Variants in PRKN observed in about 807,000 individuals in gnomAD.
The protein encoded by PRKN is E3 ubiquitin-protein ligase parkin.
PRKN carries 56 observed loss-of-function variants against 59.5 expected under a neutral mutation model. The ratio of observed to expected loss-of-function variants is 0.94; its 90% CI spans 0.76 to 1.18. The LOEUF is 1.18. Ranked by LOEUF, PRKN falls within the 50% of genes most tolerant of loss-of-function variation. The pLI is 0.00. For missense variants in PRKN, 657 were observed against 596.4 expected (o/e 1.10, Z -1.06); for synonymous variants, 250 against 222.1 (o/e 1.13, Z -1.12).
At chr6:161,350,843 T>A (rs1158542117) in intron 11 of PRKN, among the ~76,000 whole-genome samples, 4 of 88,042 alleles carry the variant, frequency 4.5e-5, no homozygotes, top group African/African-American at 2.0e-4. Context: ...ATATATATTT[T>A]TATATATTTA....
chr6:161,542,931 G>A (rs1451170613), intron 9 of PRKN, among the ~76,000 whole-genome samples: 1 of 151,992 alleles, frequency 6.6e-6, no homozygotes, highest in East Asian at 1.9e-4. Context: ...AAATATCTAA[G>A]CATAATTTAA....
chr6:161,464,555 A>C (rs984011014), intron 9 of PRKN, among the ~76,000 whole-genome samples: 3 of 152,160 alleles, frequency 2.0e-5, no homozygotes, highest in Non-Finnish European at 4.4e-5. Context: ...TGTTCTGAAA[A>C]AGGTTTTCTC....
intron 7 of PRKN, among the ~76,000 whole-genome samples, chr6:161,607,077 A>G (rs1583285055): frequency 6.6e-6 from 1 of 152,158 alleles, no homozygotes; most frequent in African/African-American, 2.4e-5. Flanking sequence ...CAGATTTAAT[A>G]AAACCCTACA....
chr6:161,790,213 GAAATGT>G (rs1399786683), intron 6 of PRKN, among the ~76,000 whole-genome samples: 1 of 152,194 alleles, frequency 6.6e-6, no homozygotes, highest in Non-Finnish European at 1.5e-5. Context: ...TCACTGGAAA[GAAATGT>G]TGTTTCTAAG....
chr6:161,978,190 C>T (rs757505919), intron 5 of PRKN, among the ~76,000 whole-genome samples: 28 of 152,212 alleles, frequency 1.8e-4, no homozygotes, highest in Non-Finnish European at 3.4e-4. Context: ...GCTGGGATTA[C>T]AGGCATGTGC....
intron 6 of PRKN, among the ~76,000 whole-genome samples, chr6:161,824,514 T>A (rs1792161304): frequency 1.3e-5 from 2 of 152,214 alleles, no homozygotes; most frequent in Non-Finnish European, 2.9e-5. Context: ...ATGGCAGTTA[T>A]GAAGTTGCGT....
chr6:161,527,761 T>C lies in PRKN; in HGVS notation c.1083+21093A>G, dbSNP rs540224626. Among the ~76,000 whole-genome samples the C allele has an allele frequency of 6.6e-6, 1 of 152,350 alleles. No individual in the cohort carries two copies. The highest frequency in any genetic ancestry group is 1.9e-4 in the East Asian group (1 of 5,184). The stretch of plus-strand genomic sequence containing the variant: ...CAGAACATTCTCCGGCTCTCCAGTC[T>C]TCTTTATTAGACTGGCCTCTACAGG... On this transcript the variant is annotated intron_variant, in intron 9 of 11. Coordinates refer to ENST00000366898, the MANE Select transcript of PRKN (RefSeq NM_004562.3). This position sits in a 1 kb window ranked among gnomAD's most constrained non-coding sequence, Gnocchi z 4.6.
At chr6:162,484,092 A>G (rs973214341) in intron 1 of PRKN, among the ~76,000 whole-genome samples, 1 of 152,246 alleles carries the variant, frequency 6.6e-6, no homozygotes, top group African/African-American at 2.4e-5. Flanking sequence ...AAAAGAAGAA[A>G]GCAACGATAG....
intron 1 of PRKN, among the ~76,000 whole-genome samples, chr6:162,644,462 C>T (rs1303598743): frequency 6.6e-6 from 1 of 152,146 alleles, no homozygotes. Flanking sequence ...ACTGCCAGCC[C>T]GCACAGACCT....
At chr6:162,688,782 G>A (rs1352594925) in intron 1 of PRKN, among the ~76,000 whole-genome samples, 1 of 152,120 alleles carries the variant, frequency 6.6e-6, no homozygotes, top group Non-Finnish European at 1.5e-5. Context: ...TAATACATAG[G>A]AGAATATACT....
chr6:162,100,557 T>C (rs1779925041), intron 4 of PRKN, among the ~76,000 whole-genome samples: 2 of 151,706 alleles, frequency 1.3e-5, no homozygotes, highest in Admixed American at 6.6e-5. Flanking sequence ...TTCTCCTGCC[T>C]GAGCCTCCTG....
intron 2 of PRKN, among the ~76,000 whole-genome samples, chr6:162,358,321 C>T (rs1784963939): frequency 6.6e-6 from 1 of 152,066 alleles, no homozygotes; most frequent in South Asian, 2.1e-4. Context: ...TGAAAGTTAC[C>T]TGGCATGGTT....
intron 2 of PRKN, among the ~76,000 whole-genome samples, chr6:162,339,096 C>T (rs1374512420): frequency 2.7e-5 from 4 of 149,740 alleles, no homozygotes; most frequent in Admixed American, 2.0e-4. Flanking sequence ...CTCCGACCGG[C>T]AGCCGCCCCG....
rs374201338 is a variant in PRKN, at chr6:162,472,741, T to C, written c.8-29268A>G. Among the ~76,000 whole-genome samples, 1,052 of 123,578 alleles carry C rather than the reference T, an allele frequency of 8.5e-3. 197 individuals carry two copies. The highest frequency in any genetic ancestry group is 0.025 in the African/African-American group (823 of 33,526). 81.1% of individuals were successfully genotyped at this position (123,578 alleles called of 152,430 possible). On this transcript the variant is annotated intron_variant, in intron 1 of 11. Coordinates refer to ENST00000366898, the MANE Select transcript of PRKN (RefSeq NM_004562.3). ...CTCCTGACCTCATGATCCACCCGCC[T>C]TGGCCTCCCAAAGTGCTGGGATTAC...
intron 6 of PRKN, among the ~76,000 whole-genome samples, chr6:161,881,628 T>A (rs900954665): frequency 1.3e-5 from 2 of 152,212 alleles, no homozygotes; most frequent in Non-Finnish European, 2.9e-5. Flanking sequence ...ATGGAAATGA[T>A]ACTTAATCGT....
chr6:161,387,523 A>G (rs139229038), intron 9 of PRKN, among the ~76,000 whole-genome samples: 1 of 152,254 alleles, frequency 6.6e-6, no homozygotes, highest in African/African-American at 2.4e-5. Context: ...GAACAGACTA[A>G]TACACACAGT....
chr6:162,375,355 A>T (rs984132730), intron 2 of PRKN, among the ~76,000 whole-genome samples: 10 of 151,426 alleles, frequency 6.6e-5, no homozygotes, highest in Non-Finnish European at 1.5e-4. Flanking sequence ...AAGCCACTGG[A>T]GTAGGGGTGG....
intron 9 of PRKN, among the ~76,000 whole-genome samples, chr6:161,408,277 C>T (rs567050507): frequency 1.6e-5 from 2 of 125,220 alleles, no homozygotes; most frequent in East Asian, 4.5e-4. Context: ...TAGAGAAATG[C>T]AAAGATGTTT....
At chr6:161,645,122 G>A (rs935922933) in intron 7 of PRKN, among the ~76,000 whole-genome samples, 12 of 152,036 alleles carry the variant, frequency 7.9e-5, no homozygotes, top group Non-Finnish European at 1.5e-5. Context: ...ATTTGGCAGA[G>A]CAGTGACTAA....
Sources: allele counts gnomAD v4.1 joint callset (sites outside exome capture counted in the v4.1 genomes callset), GRCh38; gene constraint gnomAD v4.1.1; non-coding constraint Gnocchi (gnomAD v3.1); transcripts MANE v1.5; gene names NCBI Gene and HGNC (gene_info 2026-07-23, HGNC 2026-07-21).